Variants in STK3 observed in about 807,000 individuals in gnomAD.
STK3 encodes serine/threonine-protein kinase 3.
STK3 carries 41 observed loss-of-function variants against 58.0 expected under a neutral mutation model. The observed-to-expected ratio is 0.71, with a 90% CI of 0.55 to 0.92. The LOEUF is 0.92. Ranked by LOEUF, STK3 falls within the 40% of genes least tolerant of loss-of-function variation. STK3 has a pLI of 0.00. For synonymous variants in STK3, 170 were observed against 191.0 expected (o/e 0.89, Z 0.91); for missense variants, 479 against 602.7 (o/e 0.79, Z 2.15).
intron 1 of STK3, among the ~76,000 whole-genome samples, chr8:98,820,785 G>A (rs1216647724): frequency 6.6e-6 from 1 of 152,170 alleles, no homozygotes; most frequent in African/African-American, 2.4e-5. Flanking sequence ...AGACCATCCT[G>A]GCTAACACGG....
intron 3 of STK3, among the ~76,000 whole-genome samples, chr8:98,872,645 C>G (rs1837419342): frequency 6.6e-6 from 1 of 152,158 alleles, no homozygotes; most frequent in Non-Finnish European, 1.5e-5. Context: ...TTATAGTATT[C>G]TCTGATGGTA....
intron 1 of STK3, among the ~76,000 whole-genome samples, chr8:98,776,316 T>C (rs972141866): frequency 6.6e-6 from 1 of 151,812 alleles, no homozygotes; most frequent in Non-Finnish European, 1.5e-5. Flanking sequence ...TTCACAAACA[T>C]TTTGTAGCAG....
At chr8:98,442,403 A>C (rs1818731453) in intron 1 of STK3, among the ~76,000 whole-genome samples, 1 of 152,258 alleles carries the variant, frequency 6.6e-6, no homozygotes, top group African/African-American at 2.4e-5. Context: ...GTTTAGACAC[A>C]GTTTTCCTGA....
chr8:98,429,590 G>C (rs1428952490), intron 3 of STK3: 3 of 589,896 alleles, frequency 5.1e-6, no homozygotes, highest in Non-Finnish European at 9.2e-6. Context: ...TTAGAGGGTG[G>C]TGTGTCTGAC....
intron 3 of STK3, among the ~76,000 whole-genome samples, chr8:98,752,787 G>A (rs1440145298): frequency 1.3e-5 from 2 of 151,434 alleles, no homozygotes; most frequent in East Asian, 3.9e-4. Flanking sequence ...ATTAAAAAAT[G>A]GGCAAAGGAC....
At chr8:98,710,719 G>A (rs1826345559) in intron 4 of STK3, among the ~76,000 whole-genome samples, 1 of 152,204 alleles carries the variant, frequency 6.6e-6, no homozygotes, top group African/African-American at 2.4e-5. Flanking sequence ...CTGGGGGCAG[G>A]GCATAGCCAA....
At chr8:98,853,002 G>GA (rs1015410977) in intron 3 of STK3, among the ~76,000 whole-genome samples, 7 of 151,504 alleles carry the variant, frequency 4.6e-5, no homozygotes, top group African/African-American at 7.3e-5. Flanking sequence ...TCCAAAATAT[G>GA]AAAAAAAATT....
At chr8:98,859,987 G>T (rs1413486832) in intron 3 of STK3, among the ~76,000 whole-genome samples, 1 of 152,216 alleles carries the variant, frequency 6.6e-6, no homozygotes, top group Non-Finnish European at 1.5e-5. Context: ...ATGCTGAGAG[G>T]TGTGGTTGTG....
chr8:98,348,699 T>C, the STK3 span, among the ~76,000 whole-genome samples: 1 of 152,318 alleles, frequency 6.6e-6, no homozygotes, highest in African/African-American at 2.4e-5. Flanking sequence ...GAATTTCAAG[T>C]TAAAACAGCA....
At chr8:98,911,838 A>G (rs898432157) in intron 1 of STK3, among the ~76,000 whole-genome samples, 1 of 145,614 alleles carries the variant, frequency 6.9e-6, no homozygotes, top group African/African-American at 2.7e-5. Flanking sequence ...AAACTAATAA[A>G]ATAAAAAATA....
chr8:98,388,643 T>C (rs1173916156), upstream of STK3, among the ~76,000 whole-genome samples: 2 of 152,088 alleles, frequency 1.3e-5, no homozygotes, highest in African/African-American at 4.8e-5. Context: ...TCAAATAACT[T>C]GCAAGAAAAA....
intron 6 of STK3, among the ~76,000 whole-genome samples, chr8:98,697,148 G>C (rs1254604374): frequency 2.0e-5 from 3 of 152,180 alleles, no homozygotes; most frequent in Non-Finnish European, 4.4e-5. Context: ...TTTGCATAGA[G>C]GTGTTTGTAG....
intron 6 of STK3, among the ~76,000 whole-genome samples, chr8:98,628,926 ATCTTGTTTGGC>A (rs1439228051): frequency 6.6e-6 from 1 of 152,034 alleles, no homozygotes; most frequent in Admixed American, 6.6e-5. Context: ...ACATTAAATC[ATCTTGTTTGGC>A]AGGAAAAATT....
At chr8:98,669,060 A>G (rs4735571) in intron 6 of STK3, among the ~76,000 whole-genome samples, 46,453 of 139,148 alleles carry the variant, frequency 0.33, 7,672 homozygotes, top group Admixed American at 0.46. Context: ...GCAATGGTGT[A>G]ATCTCAGCTC....
intron 7 of STK3, among the ~76,000 whole-genome samples, chr8:98,587,636 CA>C (rs1814771928): frequency 6.6e-6 from 1 of 151,980 alleles, no homozygotes; most frequent in Non-Finnish European, 1.5e-5. Flanking sequence ...GAGCTGAGTT[CA>C]ATTCCTGGGT....
rs370096775 is a variant in STK3, at chr8:98,732,750, A to G, written c.351+16526T>C. ...AAAGCAATAAGTCCACATTAGAACA[A>G]GAAATCAGGAAGCTCCAAAGAAATC... is the stretch of plus-strand genomic sequence containing the variant. On this transcript the variant is annotated intron_variant, in intron 4 of 10. Coordinates refer to ENST00000419617, the MANE Select transcript of STK3 (RefSeq NM_006281.4). Among the ~76,000 whole-genome samples the G allele has an allele frequency of 1.2e-4, 18 of 152,334 alleles. No individual in the cohort carries two copies. In the East Asian group the frequency reaches 1.5e-3, roughly 13 times the overall value.
chr8:98,694,222 T>G (rs77824885), intron 6 of STK3, among the ~76,000 whole-genome samples: 4 of 152,206 alleles, frequency 2.6e-5, no homozygotes, highest in Non-Finnish European at 4.4e-5. Context: ...CAGGAAAGGA[T>G]AGCATTATTT....
chr8:98,940,405 G>C (rs1338178471), intron 1 of STK3, among the ~76,000 whole-genome samples: 1 of 152,154 alleles, frequency 6.6e-6, no homozygotes, highest in East Asian at 1.9e-4. Flanking sequence ...CCCCAGGCTA[G>C]ACCACCACGG....
At chr8:98,521,042 C>CT (rs1162346711) in intron 10 of STK3, among the ~76,000 whole-genome samples, 1 of 152,108 alleles carries the variant, frequency 6.6e-6, no homozygotes, top group Non-Finnish European at 1.5e-5. Context: ...TTATTCATCT[C>CT]TTATTTATTT....
Sources: gnomAD v4.1 joint callset for allele counts (sites outside exome capture counted in the v4.1 genomes callset) on GRCh38, gnomAD v4.1.1 for gene constraint, MANE v1.5 for transcripts, NCBI Gene and HGNC (gene_info 2026-07-23, HGNC 2026-07-21) for gene names.